Variants in PCDH11X observed in about 807,000 individuals in gnomAD.
PCDH11X encodes protocadherin-11 X-linked.
In PCDH11X, 18 loss-of-function variants were observed where a neutral mutation model predicts 53.3. That is an observed-to-expected ratio of 0.34 (90% CI 0.23 to 0.50). The LOEUF (loss-of-function observed/expected upper bound fraction) is 0.50, where lower values mean the gene tolerates loss of function less well. Among genes scored for constraint, PCDH11X ranks in the 20% least tolerant of loss-of-function variants. PCDH11X has a pLI of 0.98. For missense variants in PCDH11X, 570 were observed against 1,032.4 expected (o/e 0.55, Z 6.14); for synonymous variants, 279 against 393.3 (o/e 0.71, Z 3.44).
At chrX:91,794,624 G>A (rs1450240184) in intron 1 of PCDH11X, among the ~76,000 whole-genome samples, 2 of 111,108 alleles carry the variant, frequency 1.8e-5, no homozygotes, top group South Asian at 3.8e-4. Flanking sequence ...CTTGTTTGCT[G>A]TTGGGGTATT....
chrX:91,847,228 C>A, intron 5 of PCDH11X, among the ~76,000 whole-genome samples: 1 of 110,672 alleles, frequency 9.0e-6, no homozygotes. Context: ...TGCACAGGCA[C>A]AATCATGGCA....
chrX:92,379,713 A>G (rs1463856154), intron 8 of PCDH11X, among the ~76,000 whole-genome samples: 1 of 109,810 alleles, frequency 9.1e-6, no homozygotes, highest in Non-Finnish European at 1.9e-5. Flanking sequence ...TCCATGGACC[A>G]ATCAGCATGG....
chrX:92,033,313 C>T (rs1602721675), intron 6 of PCDH11X, among the ~76,000 whole-genome samples: 1 of 105,478 alleles, frequency 9.5e-6, no homozygotes, highest in South Asian at 4.2e-4. Context: ...GTAGGATTGG[C>T]ATTAGTTCTT....
chrX:92,540,746 C>T (rs765375000), intron 10 of PCDH11X, among the ~76,000 whole-genome samples: 1 of 107,154 alleles, frequency 9.3e-6, no homozygotes, highest in Non-Finnish European at 1.9e-5. Context: ...CTTCAGAGCC[C>T]AAGGGCTCTT....
intron 6 of PCDH11X, among the ~76,000 whole-genome samples, chrX:91,910,125 T>G (rs1941322975): frequency 9.2e-6 from 1 of 109,200 alleles, no homozygotes; most frequent in Non-Finnish European, 1.9e-5. Flanking sequence ...TGATAAACAT[T>G]TTTTGTAGCA....
At chrX:92,051,706 G>T (rs777862338) in intron 6 of PCDH11X, among the ~76,000 whole-genome samples, 49 of 111,593 alleles carry the variant, frequency 4.4e-4, no homozygotes, top group African/African-American at 1.5e-3. Flanking sequence ...TGGGTGTGAA[G>T]TATATTAAAA....
chrX:91,976,721 C>T (rs577097322), intron 6 of PCDH11X, among the ~76,000 whole-genome samples: 1 of 111,057 alleles, frequency 9.0e-6, no homozygotes, highest in South Asian at 3.8e-4. Context: ...ATCACCGATA[C>T]ATATGAGACA....
intron 6 of PCDH11X, among the ~76,000 whole-genome samples, chrX:92,112,743 A>G (rs1049555007): frequency 9.3e-6 from 1 of 107,694 alleles, no homozygotes; most frequent in African/African-American, 3.6e-5. Flanking sequence ...CCATTTTTCA[A>G]TTTTTTTTTA....
chrX:92,515,148 T>C (rs1305833979), intron 10 of PCDH11X, among the ~76,000 whole-genome samples: 12 of 108,391 alleles, frequency 1.1e-4, no homozygotes, highest in African/African-American at 4.0e-4. Flanking sequence ...AAAAGGTAAG[T>C]CTTCAAATAG....
At chrX:92,462,824 T>C (rs1164882818) in intron 9 of PCDH11X, among the ~76,000 whole-genome samples, 2 of 107,170 alleles carry the variant, frequency 1.9e-5, no homozygotes, top group Non-Finnish European at 3.9e-5. Context: ...TTTAAAAAGA[T>C]TCTTTAAAAA....
intron 6 of PCDH11X, among the ~76,000 whole-genome samples, chrX:91,980,681 C>T (rs1333601252): frequency 2.8e-5 from 3 of 106,308 alleles, no homozygotes; most frequent in Non-Finnish European, 5.8e-5. Flanking sequence ...CAGATCATCC[C>T]GCTGCGCCCT....
chrX:92,021,786 C>A (rs1048297301), intron 6 of PCDH11X, among the ~76,000 whole-genome samples: 4 of 108,445 alleles, frequency 3.7e-5, no homozygotes, highest in African/African-American at 1.3e-4. Context: ...GCCAAGTCAC[C>A]TACAAAGGGA....
intron 1 of PCDH11X, among the ~76,000 whole-genome samples, chrX:91,795,374 G>A (rs1935697984): frequency 9.1e-6 from 1 of 110,418 alleles, no homozygotes; most frequent in African/African-American, 3.3e-5. Context: ...TCACTATATT[G>A]TCCTGTCACA....
At chrX:92,608,621 T>G (rs1422818973) in intron 10 of PCDH11X, among the ~76,000 whole-genome samples, 1 of 110,130 alleles carries the variant, frequency 9.1e-6, no homozygotes, top group Admixed American at 9.7e-5. Flanking sequence ...GAAGCATGTA[T>G]TATTTGGATG....
At chrX:92,507,188 T>C (rs929810835) in intron 10 of PCDH11X, among the ~76,000 whole-genome samples, 3 of 110,796 alleles carry the variant, frequency 2.7e-5, no homozygotes, top group Non-Finnish European at 5.7e-5. Context: ...AATTCATTGA[T>C]CTTTTGTATG....
chrX:91,849,598 C>T (rs1937891720), intron 5 of PCDH11X, among the ~76,000 whole-genome samples: 1 of 109,014 alleles, frequency 9.2e-6, no homozygotes, highest in Admixed American at 9.9e-5. Context: ...AGTTAAAAAT[C>T]CGTATTTACC....
At chrX:91,851,198 G>A (rs1278271521) in intron 5 of PCDH11X, among the ~76,000 whole-genome samples, 1 of 111,221 alleles carries the variant, frequency 9.0e-6, no homozygotes, top group African/African-American at 3.3e-5. Flanking sequence ...CTGTACATCA[G>A]AAAATCACTA....
At chrX:92,054,672 T>A (rs1376047557) in intron 6 of PCDH11X, among the ~76,000 whole-genome samples, 1 of 109,169 alleles carries the variant, frequency 9.2e-6, no homozygotes, top group Non-Finnish European at 1.9e-5. Flanking sequence ...AATACAAAAT[T>A]AGCTGGGCAT....
At chrX:92,445,192 C>CTTTT (rs778466088) in intron 9 of PCDH11X, among the ~76,000 whole-genome samples, 167 of 16,481 alleles carry the variant, frequency 0.01, 4 homozygotes, top group African/African-American at 0.018. Context: ...TGGTCCAGGG[C>CTTTT]TTTTTTTTTT....
Sources: allele counts gnomAD v4.1 joint callset (sites outside exome capture counted in the v4.1 genomes callset), GRCh38; gene constraint gnomAD v4.1.1; transcripts MANE v1.5; gene names NCBI Gene and HGNC (gene_info 2026-07-23, HGNC 2026-07-21).